The following TECTA variants were observed in gnomAD, a reference collection of about 807,000 sequenced individuals.
TECTA encodes tectorin alpha, also known as alpha-tectorin.
TECTA carries 128 observed loss-of-function variants against 216.8 expected under a neutral mutation model. The observed-to-expected ratio is 0.59, with a 90% CI of 0.51 to 0.68. The LOEUF (loss-of-function observed/expected upper bound fraction) is 0.68, where lower values mean the gene tolerates loss of function less well. Among genes scored for constraint, TECTA ranks in the 30% least tolerant of loss-of-function variants. The pLI, the probability that TECTA is intolerant of heterozygous loss-of-function variation, is 0.00. For synonymous variants in TECTA, 1,089 were observed against 1,117.1 expected, an observed-to-expected ratio of 0.97 and a Z score of 0.50; for missense variants, 2,551 against 2,786.2, an observed-to-expected ratio of 0.92 and a Z score of 1.90.
intron 12 of TECTA, among the ~76,000 whole-genome samples, chr11:121,149,255 A>G (rs1449965895): frequency 3.3e-5 from 5 of 152,212 alleles, no homozygotes; most frequent in Non-Finnish European, 7.3e-5. Context: ...AGCCTGGTCA[A>G]CCAGTGCCTA....
At chr11:121,158,269 G>T in intron 14 of TECTA, 45 bp downstream of exon 14, 1 of 1,604,080 alleles carries the variant, frequency 6.2e-7, no homozygotes, top group Non-Finnish European at 8.5e-7. Context: ...CCGGAAACAA[G>T]GGGTTGGCTA....
chr11:121,126,815 C>G (rs1483177760), intron 8 of TECTA, among the ~76,000 whole-genome samples: 2 of 152,244 alleles, frequency 1.3e-5, no homozygotes, highest in Non-Finnish European at 2.9e-5. Context: ...TGACCAGCCT[C>G]TCTTATGACC....
chr11:121,135,316 C>T (rs1360614527), intron 10 of TECTA, among the ~76,000 whole-genome samples: 7 of 152,184 alleles, frequency 4.6e-5, no homozygotes, highest in Admixed American at 1.3e-4. Context: ...ACAGGCATTC[C>T]GGGGCCTAGG....
rs566748008 is a variant in TECTA, at chr11:121,165,461, C to A, written c.5383+78C>A. ...CTCTGGGGAACGACCTTGATGCATCCCACTTTGTGAAGCTTTCCCAAATAG... is the reference window on the plus strand; with the variant it reads ...CTCTGGGGAACGACCTTGATGCATCACACTTTGTGAAGCTTTCCCAAATAG... On this transcript the variant is annotated intron_variant, in intron 17 of 23. Transcript: ENST00000392793. 1.2e-5 allele frequency: 14 copies of A among 1,216,102 alleles called. No individual in the cohort carries two copies. In the East Asian group the frequency reaches 3.3e-4, roughly 29 times the overall value. 75.3% of individuals were successfully genotyped at this position (1,216,102 alleles called of 1,614,324 possible).
chr11:121,121,722 C>G (rs1288370683), intron 7 of TECTA, among the ~76,000 whole-genome samples: 2 of 152,146 alleles, frequency 1.3e-5, no homozygotes, highest in African/African-American at 4.8e-5. Flanking sequence ...GTAGAAATAT[C>G]CAGAACCAGC....
At position 121,113,510 on chromosome 11, in the gene TECTA, GA is replaced by G. The variant is rs2135060025; in HGVS notation, c.625-41del. 1.2e-6 allele frequency: 2 copies of G among 1,612,814 alleles called. 1 individual carries two copies. Among genetic ancestry groups the G allele is most frequent in the East Asian group, 4.5e-5 (2 of 44,878 alleles). ...GTAGTTGGGCCAGTTAACCCATGGGGAATTTTTGTACTCAAAAATCTTGTCT... is the reference window on the plus strand; with the variant it reads ...GTAGTTGGGCCAGTTAACCCATGGGGATTTTTGTACTCAAAAATCTTGTCT... On this transcript the variant is annotated intron_variant, in intron 5 of 23. Coordinates refer to ENST00000392793, the MANE Select transcript of TECTA (RefSeq NM_005422.4). This position sits in a 1 kb window ranked among gnomAD's most constrained non-coding sequence, Gnocchi z 4.2.
intron 13 of TECTA, among the ~76,000 whole-genome samples, chr11:121,157,067 G>C (rs1009168080): frequency 3.3e-5 from 5 of 152,204 alleles, no homozygotes; most frequent in African/African-American, 4.8e-5. Flanking sequence ...TGGTTAATCA[G>C]AAGTGTTGGT....
chr11:121,182,883 C>T (rs781048467), intron 20 of TECTA, among the ~76,000 whole-genome samples: 3 of 152,160 alleles, frequency 2.0e-5, no homozygotes, highest in African/African-American at 4.8e-5. Context: ...GGCCTGTCCT[C>T]AGGCCCCATG....
rs140664225 is a variant in TECTA at position 121,189,564 on chromosome 11, C to T, written c.6251-200C>T. On this transcript the variant is annotated intron_variant, in intron 22 of 23. Coordinates refer to ENST00000392793, the MANE Select transcript of TECTA (RefSeq NM_005422.4). ...AATTTTTTTGTATTTTTAGTAGAGA[C>T]GGGGTTTCACTGTGTTAGCCAGGAT... Among the ~76,000 whole-genome samples, 3,315 of 152,090 alleles carry T rather than the reference C, an allele frequency of 0.022. 124 individuals are homozygous for T. Among genetic ancestry groups the T allele is most frequent in the African/African-American group, 0.076 (3,152 of 41,484 alleles).
chr11:121,121,889 G>A (rs1248024499), intron 7 of TECTA, among the ~76,000 whole-genome samples: 1 of 152,102 alleles, frequency 6.6e-6, no homozygotes, highest in Non-Finnish European at 1.5e-5. Context: ...TACCAGCACA[G>A]AACAATGGAT....
chr11:121,160,536 G>A, intron 15 of TECTA, 115 bp downstream of exon 15: 5 of 1,438,224 alleles, frequency 3.5e-6, no homozygotes, highest in Non-Finnish European at 4.8e-6. Flanking sequence ...CTCCTACAGA[G>A]ACGAGCCAAA....
Position 121,157,874 on chromosome 11 carries a change from C to T in TECTA, c.4339C>T (p.Arg1447Trp), listed in dbSNP as rs746317029. 1 of 1,614,220 alleles carries T rather than the reference C, an allele frequency of 6.2e-7. No homozygotes were observed. Among genetic ancestry groups the T allele is most frequent in the East Asian group, 2.2e-5 (1 of 44,880 alleles). Residue 1447 changes from arginine to tryptophan, a missense_variant, in exon 14 of 24, where the codon CGG (arginine) becomes TGG (tryptophan). Arg to Trp is a moderately radical substitution (Grantham distance 101). Around this residue, in one of 3 missense-constraint regions of TECTA, gnomAD observed 2,375 missense variants for 2,563.9 expected, o/e 0.93. Transcript: ENST00000392793. ...KQLFWNSDCT[R>W]RCRCFRRNVI... Reference sequence around the variant, plus strand: ...GCTATTTTGGAACAGCGACTGCACGCGGCGCTGCCGCTGTTTCCGTCGCAA... The same window carrying T: ...GCTATTTTGGAACAGCGACTGCACGTGGCGCTGCCGCTGTTTCCGTCGCAA...
At chr11:121,117,462 T>A (rs1294555819) in intron 6 of TECTA, among the ~76,000 whole-genome samples, 1 of 152,256 alleles carries the variant, frequency 6.6e-6, no homozygotes, top group Non-Finnish European at 1.5e-5. Context: ...TCAAAGTTTT[T>A]TGGTGGGGAG....
rs1437697907 is a variant in TECTA at position 121,191,237 on chromosome 11, C to T, written c.*431C>T. 7.2e-6 allele frequency: 2 copies of T among 277,628 alleles called. No individual in the cohort carries two copies. Among genetic ancestry groups the T allele is most frequent in the Non-Finnish European group, 1.4e-5 (2 of 145,152 alleles). 17.2% of individuals were successfully genotyped at this position (277,628 alleles called of 1,614,324 possible). A position where few individuals can be genotyped will look rare whatever the true frequency, so the allele number is the denominator to read the frequency against. On this transcript the variant is annotated 3_prime_UTR_variant, in exon 24 of 24. Transcript: ENST00000392793. The stretch of plus-strand genomic sequence containing the variant: ...AGTGATGACTGGAAGGTTTGACTCC[C>T]TCTAAGGAATCTTGCTGGTGTTTGG...
intron 12 of TECTA, among the ~76,000 whole-genome samples, chr11:121,150,387 A>G (rs1175994766): frequency 1.3e-5 from 2 of 152,254 alleles, no homozygotes; most frequent in Non-Finnish European, 1.5e-5. Flanking sequence ...AAAAAATTAA[A>G]TCACAAAAAT....
At position 121,160,271 on chromosome 11, in the gene TECTA, G is replaced by A. The variant is rs769418581; in HGVS notation, c.4826G>A (p.Ser1609Asn). The change falls in exon 15 of 24, where the codon AGC becomes AAC. Residue 1609 changes from serine to asparagine, a missense_variant. Ser to Asn is a conservative substitution (Grantham distance 46). Around this residue, in one of 3 missense-constraint regions of TECTA, gnomAD observed 2,375 missense variants for 2,563.9 expected, o/e 0.93. Coordinates refer to ENST00000392793, the MANE Select transcript of TECTA (RefSeq NM_005422.4). The part of the protein sequence containing the change: ...YYNGFNVIKI[S>N]ISERLQNKVC... ...AATGGTTTCAACGTCATTAAAATCA[G>A]CATCAGCGAGAGGCTGCAGAACAAA... 3 of 1,614,164 alleles carry A rather than the reference G, an allele frequency of 1.9e-6. No homozygotes were observed. Among genetic ancestry groups the A allele is most frequent in the Non-Finnish European group, 1.7e-6 (2 of 1,180,022 alleles).
rs2135123261 is a variant in TECTA, at chr11:121,160,352, T to C, written c.4907T>C (p.Leu1636Ser). The C allele has an allele frequency of 3.1e-6, 5 of 1,614,036 alleles. No homozygotes were observed. The Middle Eastern group carries it at 4.9e-4, about 160-fold the overall frequency. ...NGDLTDDYVT[L>S]RGKPVVSSVV... ...GACCTAACAGATGATTATGTGACCT[T>C]GCGAGGGAAGCCGGTGGTAAGCAGC... Residue 1636 changes from leucine (L) to serine (S), a missense_variant, in exon 15 of 24, where the codon TTG (leucine) becomes TCG (serine). By Grantham distance (145) the Leu-to-Ser change is moderately radical (BLOSUM62 -2). Around this residue, in one of 3 missense-constraint regions of TECTA, gnomAD observed 2,375 missense variants for 2,563.9 expected, o/e 0.93. Transcript: ENST00000392793.
chr11:121,190,672 C>T (rs756686571), intron 23 of TECTA, 34 bp from the exon 24 acceptor site: 17 of 1,516,698 alleles, frequency 1.1e-5, no homozygotes, highest in South Asian at 2.2e-5. Context: ...ATTTTTCCCC[C>T]CATAGGGCTT....
At chr11:121,186,775 A>G (rs558569653) in intron 20 of TECTA, among the ~76,000 whole-genome samples, 35 of 152,362 alleles carry the variant, frequency 2.3e-4, no homozygotes, top group African/African-American at 8.4e-4. Flanking sequence ...AAGCTATTTA[A>G]TCCTGTGGAC....
Sources: gnomAD v4.1 joint callset for allele counts (sites outside exome capture counted in the v4.1 genomes callset) on GRCh38, gnomAD v4.1.1 for gene constraint, gnomAD v4.1.1 regional missense constraint, Gnocchi (gnomAD v3.1) non-coding constraint, MANE v1.5 for transcripts, NCBI Gene and HGNC (gene_info 2026-07-23, HGNC 2026-07-21) for gene names.